The following ABCD2 variants were observed in gnomAD, a reference collection of about 807,000 sequenced individuals.
The protein encoded by ABCD2 is ATP binding cassette subfamily D member 2.
In ABCD2, 36 loss-of-function variants were observed where a neutral mutation model predicts 70.9. The observed-to-expected ratio is 0.51, with a 90% confidence interval of 0.39 to 0.67. The LOEUF (loss-of-function observed/expected upper bound fraction) is 0.67, where lower values mean the gene tolerates loss of function less well. ABCD2 is among the 30% of genes least tolerant of loss of function. The pLI is 0.00. For missense variants in ABCD2, 729 were observed against 890.2 expected, an observed-to-expected ratio of 0.82 and a Z score of 2.30; for synonymous variants, 304 against 306.9, an observed-to-expected ratio of 0.99 and a Z score of 0.10.
intron 9 of ABCD2, among the ~76,000 whole-genome samples, chr12:39,560,918 A>G (rs191235945): frequency 6.6e-6 from 1 of 152,206 alleles, no homozygotes; most frequent in Non-Finnish European, 1.5e-5. Context: ...CTAAAAATAA[A>G]AAGCAAGGAA....
At position 39,600,638 on chromosome 12, in the gene ABCD2, G is replaced by T; in HGVS notation, c.1579C>A (p.Leu527Ile). ...KSSLFRILSG[L>I]WPVYEGVLYK... ...AGGACTCCTTCATACACAGGCCAGA[G>T]CCCACTTAGAATTCTGAAGAGAGAA... Residue 527 changes from leucine to isoleucine, a missense_variant, in exon 6 of 10, where the codon CTC becomes ATC. Transcript: ENST00000308666. 14 of 1,612,842 alleles carry T rather than the reference G, an allele frequency of 8.7e-6. No homozygotes were observed. Among genetic ancestry groups the T allele is most frequent in the Non-Finnish European group, 1.2e-5 (14 of 1,179,260 alleles).
In ABCD2 at chr12:39,599,225, G is replaced by A. The variant is rs75132286; in HGVS notation, c.1646+1346C>T. Among the ~76,000 whole-genome samples, 638 of 152,166 alleles carry A rather than the reference G, an allele frequency of 4.2e-3. 3 individuals carry two copies. The highest frequency in any genetic ancestry group is 6.4e-3 in the Non-Finnish European group (432 of 68,000). The stretch of plus-strand genomic sequence containing the variant: ...TCTGGAAATGTTTTACATTGTTCTG[G>A]TCAAAGTTATATTCAACAACTGTAG... On this transcript the variant is annotated intron_variant, in intron 6 of 9. Transcript: ENST00000308666.
downstream of ABCD2, among the ~76,000 whole-genome samples, chr12:39,549,105 G>A (rs981009111): frequency 6.6e-6 from 1 of 151,884 alleles, no homozygotes; most frequent in African/African-American, 2.4e-5. Flanking sequence ...GGTTTCTTAG[G>A]TTTCAAGACA....
chr12:39,592,932 G>A (rs1320882929), intron 6 of ABCD2, among the ~76,000 whole-genome samples: 1 of 152,196 alleles, frequency 6.6e-6, no homozygotes, highest in Non-Finnish European at 1.5e-5. Flanking sequence ...TTCTTGCTTA[G>A]ATCCTTTTCC....
chr12:39,580,882 G>A (rs1487318724), intron 7 of ABCD2, among the ~76,000 whole-genome samples: 2 of 152,046 alleles, frequency 1.3e-5, no homozygotes, highest in African/African-American at 4.8e-5. Context: ...AAAGAAAATA[G>A]CCCTCATTGC....
At chr12:39,597,218 T>C (rs1941828807) in intron 6 of ABCD2, among the ~76,000 whole-genome samples, 1 of 152,164 alleles carries the variant, frequency 6.6e-6, no homozygotes, top group African/African-American at 2.4e-5. Context: ...CTGTCTTTCT[T>C]CCTTCTGTCC....
At chr12:39,616,338 T>C (rs754511377) in intron 2 of ABCD2, among the ~76,000 whole-genome samples, 4 of 152,108 alleles carry the variant, frequency 2.6e-5, no homozygotes, top group Non-Finnish European at 4.4e-5. Flanking sequence ...TTCCAAAGAA[T>C]AAAAACTGTT....
At chr12:39,565,336 G>T (rs1212495242) in intron 9 of ABCD2, among the ~76,000 whole-genome samples, 1 of 152,124 alleles carries the variant, frequency 6.6e-6, no homozygotes, top group Admixed American at 6.6e-5. Context: ...CCTTGAAGAG[G>T]TCCTTCACAT....
chr12:39,566,381 T>C (rs1941347990), intron 9 of ABCD2, among the ~76,000 whole-genome samples: 2 of 152,248 alleles, frequency 1.3e-5, no homozygotes, highest in Admixed American at 6.5e-5. Context: ...TCGAGGAATT[T>C]ATCCATTTCT....
chr12:39,594,319 T>C (rs1330124770), intron 6 of ABCD2, among the ~76,000 whole-genome samples: 1 of 149,596 alleles, frequency 6.7e-6, no homozygotes, highest in Non-Finnish European at 1.5e-5. Flanking sequence ...ACCAACTTTA[T>C]AGGTTGTCAT....
At chr12:39,575,474 T>G (rs1941503302) in intron 8 of ABCD2, among the ~76,000 whole-genome samples, 2 of 152,186 alleles carry the variant, frequency 1.3e-5, no homozygotes. Context: ...CCTTTTTGCT[T>G]TGTGTATCAT....
At chr12:39,563,348 C>T (rs1205831598) in intron 9 of ABCD2, among the ~76,000 whole-genome samples, 2 of 152,028 alleles carry the variant, frequency 1.3e-5, no homozygotes, top group South Asian at 4.1e-4. Context: ...GATATGATCA[C>T]ACCTCTGCAG....
At chr12:39,607,772 T>G (rs1471569944) in intron 2 of ABCD2, 58 bp from the exon 3 acceptor site, 3 of 1,084,476 alleles carry the variant, frequency 2.8e-6, no homozygotes, top group Non-Finnish European at 4.1e-6. Flanking sequence ...TTTTAGTAAC[T>G]TAATGTTTTA....
intron 7 of ABCD2, among the ~76,000 whole-genome samples, chr12:39,584,780 T>C (rs892258468): frequency 1.3e-5 from 2 of 152,218 alleles, no homozygotes; most frequent in Non-Finnish European, 2.9e-5. Context: ...AGGGAGTCTT[T>C]TCCCCATTGC....
intron 9 of ABCD2, among the ~76,000 whole-genome samples, chr12:39,562,301 C>G (rs1196863975): frequency 6.6e-6 from 1 of 151,614 alleles, no homozygotes; most frequent in Admixed American, 6.6e-5. Flanking sequence ...AAGAACAAAT[C>G]CAAACCAAAA....
the ABCD2 span, among the ~76,000 whole-genome samples, chr12:39,543,423 C>T: frequency 6.6e-6 from 1 of 152,084 alleles, no homozygotes; most frequent in African/African-American, 2.4e-5. Context: ...ATTTATTATT[C>T]TTTTTTTCCA....
At chr12:39,587,496 C>T (rs1460515531) in intron 6 of ABCD2, among the ~76,000 whole-genome samples, 1 of 152,094 alleles carries the variant, frequency 6.6e-6, no homozygotes, top group Non-Finnish European at 1.5e-5. Flanking sequence ...CCAAATGTCC[C>T]TGGGGGACAA....
intron 5 of ABCD2, among the ~76,000 whole-genome samples, chr12:39,602,517 T>G (rs1433609574): frequency 6.6e-6 from 1 of 152,138 alleles, no homozygotes. Context: ...TAGAAACTTA[T>G]TTTTCAATCT....
rs182665493 is a variant in ABCD2 at position 39,552,894 on chromosome 12, G to C, written c.*1018C>G. On this transcript the variant is annotated 3_prime_UTR_variant, in exon 10 of 10. Transcript: ENST00000308666. Reference sequence around the variant, plus strand: ...ATTTCTCGATCTTTCCTTAAGTAAAGTGCATGATTAGGGCAAGTCTGAGTG... The same window carrying C: ...ATTTCTCGATCTTTCCTTAAGTAAACTGCATGATTAGGGCAAGTCTGAGTG... The C allele has an allele frequency of 3.9e-4, 60 of 152,082 alleles. No homozygotes were observed. Among genetic ancestry groups the C allele is most frequent in the African/African-American group, 1.3e-3 (56 of 41,544 alleles). 9.4% of individuals were successfully genotyped at this position (152,082 alleles called of 1,614,324 possible). A position where few individuals can be genotyped will look rare whatever the true frequency, so the allele number is the denominator to read the frequency against.
Sources: allele counts gnomAD v4.1 joint callset (sites outside exome capture counted in the v4.1 genomes callset), GRCh38; gene constraint gnomAD v4.1.1; transcripts MANE v1.5; gene names NCBI Gene and HGNC (gene_info 2026-07-23, HGNC 2026-07-21).